The following ENPEP variants were observed in gnomAD, a reference collection of about 807,000 sequenced individuals.
ENPEP encodes glutamyl aminopeptidase.
In ENPEP, 103 loss-of-function variants were observed where a neutral mutation model predicts 114.5. The observed-to-expected ratio is 0.90, with a 90% CI of 0.77 to 1.06. The LOEUF (loss-of-function observed/expected upper bound fraction) is 1.06, where lower values mean the gene tolerates loss of function less well. Ranked by LOEUF, ENPEP falls within the 50% of genes least tolerant of loss-of-function variation. The probability of loss-of-function intolerance (pLI) is 0.00; values close to 1 mark genes in which losing one functional copy is unlikely to be tolerated. For missense variants in ENPEP, 1,196 were observed against 1,161.3 expected, an observed-to-expected ratio of 1.03 and a Z score of -0.43; for synonymous variants, 420 against 422.0, an observed-to-expected ratio of 1.00 and a Z score of 0.06.
At chr4:110,486,878 T>C (rs1724524342) in intron 1 of ENPEP, among the ~76,000 whole-genome samples, 1 of 152,200 alleles carries the variant, frequency 6.6e-6, no homozygotes, top group African/African-American at 2.4e-5. Context: ...TACTCAACTT[T>C]GTCTCCCCGA....
In ENPEP at chr4:110,561,689, T is replaced by A. The variant is rs1727685430; in HGVS notation, c.*131T>A. The A allele has an allele frequency of 3.6e-6, 3 of 844,716 alleles. No individual in the cohort carries two copies. The East Asian group carries it at 8.1e-5, about 23-fold the overall frequency. The allele number at this position is 844,716 out of a possible 1,614,324, so 52.3% of individuals were successfully genotyped here. A position where few individuals can be genotyped will look rare whatever the true frequency, so the allele number is the denominator to read the frequency against. Reference sequence around the variant, plus strand: ...ATGCTTTTACTAAGCACTGTGTTTATATGTCTTGCAAAGCCTTTAAATTGT... The same window carrying A: ...ATGCTTTTACTAAGCACTGTGTTTAAATGTCTTGCAAAGCCTTTAAATTGT... On this transcript the variant is annotated 3_prime_UTR_variant, in exon 20 of 20. Coordinates refer to ENST00000265162, the MANE Select transcript of ENPEP (RefSeq NM_001977.4).
intron 17 of ENPEP, among the ~76,000 whole-genome samples, chr4:110,551,950 A>G (rs1375957423): frequency 3.9e-5 from 6 of 152,070 alleles, no homozygotes; most frequent in Admixed American, 6.6e-5. Context: ...GTTTTCATTG[A>G]TCATATTTTA....
intron 3 of ENPEP, among the ~76,000 whole-genome samples, chr4:110,504,920 C>T (rs773310594): frequency 9.8e-5 from 15 of 152,326 alleles, no homozygotes; most frequent in Non-Finnish European, 1.8e-4. Context: ...AATTCTCTTT[C>T]GCTCACCAAA....
intron 1 of ENPEP, among the ~76,000 whole-genome samples, chr4:110,486,252 A>G (rs1172232817): frequency 6.6e-6 from 1 of 152,192 alleles, no homozygotes; most frequent in Non-Finnish European, 1.5e-5. Context: ...TGATGTTCCA[A>G]TACTCCCATA....
rs146210492 is a variant in ENPEP at position 110,486,904 on chromosome 4, A to G, written c.645-1637A>G. ...GTCTCCCCGAACATTTGGGGATCAG[A>G]GTTTTTAAGATAATTTGGCGGGTAG... On this transcript the variant is annotated intron_variant, in intron 1 of 19. Coordinates refer to ENST00000265162, the MANE Select transcript of ENPEP (RefSeq NM_001977.4). 1.1e-3 allele frequency among the ~76,000 whole-genome samples: 169 copies of G among 152,250 alleles called. 2 individuals carry two copies. The highest frequency in any genetic ancestry group is 4.0e-3 in the African/African-American group (167 of 41,550).
rs1231086343 is a variant in ENPEP at position 110,479,476 on chromosome 4, CTG to C, written c.644+2422_644+2423del. 3.3e-5 allele frequency among the ~76,000 whole-genome samples: 5 copies of C among 151,978 alleles called. 1 individual carries two copies. Among genetic ancestry groups the C allele is most frequent in the Admixed American group, 3.3e-4 (5 of 15,248 alleles). ...TACCTGTGTATAAATGCATGTATGT[CTG>C]TGTATATATGTGTACATGCATATAC... On this transcript the variant is annotated intron_variant, in intron 1 of 19. Transcript: ENST00000265162.
intron 18 of ENPEP, among the ~76,000 whole-genome samples, chr4:110,553,973 G>A (rs1298804939): frequency 6.6e-6 from 1 of 151,904 alleles, no homozygotes; most frequent in Admixed American, 6.6e-5. Context: ...CTTTTAAAAT[G>A]GGAAATAGCA....
chr4:110,494,167 C>T (rs1724838842), intron 3 of ENPEP, among the ~76,000 whole-genome samples: 1 of 152,208 alleles, frequency 6.6e-6, no homozygotes. Flanking sequence ...CAAAGCATGG[C>T]TTGGGTCTGA....
At chr4:110,489,607 T>A (rs1196800130) in intron 2 of ENPEP, among the ~76,000 whole-genome samples, 1 of 151,896 alleles carries the variant, frequency 6.6e-6, no homozygotes, top group Non-Finnish European at 1.5e-5. Context: ...AGAGAAAAAA[T>A]TTTAAAAGGC....
At position 110,543,002 on chromosome 4, in the gene ENPEP, T is replaced by C; in HGVS notation, c.1945-13T>C. ...AGAATTGTGTTTTTATCTCTCTTTC[T>C]CCCTCTTCCCAGACATTTTCTTCAG... On this transcript the variant is annotated splice_polypyrimidine_tract_variant and intron_variant, in intron 12 of 19. Coordinates refer to ENST00000265162, the MANE Select transcript of ENPEP (RefSeq NM_001977.4). 1 of 1,612,996 alleles carries C rather than the reference T, an allele frequency of 6.2e-7. No homozygotes were observed.
intron 18 of ENPEP, 127 bp downstream of exon 18, chr4:110,553,582 G>C (rs760031964): frequency 1.4e-4 from 127 of 908,234 alleles, no homozygotes; most frequent in Non-Finnish European, 1.9e-4. Flanking sequence ...TAGAGGTAAA[G>C]GATCATGGTA....
At chr4:110,528,650 T>C (rs528190711) in intron 10 of ENPEP, among the ~76,000 whole-genome samples, 9 of 152,340 alleles carry the variant, frequency 5.9e-5, no homozygotes, top group African/African-American at 2.2e-4. Context: ...TGAGCCAGTT[T>C]CACATCTCCA....
chr4:110,524,217 A>G (rs1388690751), intron 10 of ENPEP, among the ~76,000 whole-genome samples: 1 of 152,176 alleles, frequency 6.6e-6, no homozygotes, highest in Admixed American at 6.5e-5. Flanking sequence ...TTAGACTACA[A>G]AAGCACTAAA....
At position 110,549,898 on chromosome 4, in the gene ENPEP, TTTTA is replaced by T; in HGVS notation, c.2501+16_2501+19del. The T allele has an allele frequency of 1.3e-6, 2 of 1,599,762 alleles. No individual in the cohort carries two copies. The highest frequency in any genetic ancestry group is 1.7e-6 in the Non-Finnish European group (2 of 1,174,282). On this transcript the variant is annotated intron_variant, in intron 17 of 19. Coordinates refer to ENST00000265162, the MANE Select transcript of ENPEP (RefSeq NM_001977.4). ...ACTCTTTTGTCAAGGTAAGTTGGGC[TTTTA>T]TTTCACATATATAAATAGTATTTAA...
intron 10 of ENPEP, among the ~76,000 whole-genome samples, chr4:110,528,113 C>T (rs1726266467): frequency 6.6e-6 from 1 of 152,044 alleles, no homozygotes; most frequent in African/African-American, 2.4e-5. Flanking sequence ...CTTCAGTTTC[C>T]ACCTTCAGAT....
chr4:110,521,451 G>A (rs1039982721), intron 10 of ENPEP, among the ~76,000 whole-genome samples: 1 of 151,602 alleles, frequency 6.6e-6, no homozygotes, highest in Non-Finnish European at 1.5e-5. Flanking sequence ...ATCCCTTCTC[G>A]ATAATAGAGA....
intron 1 of ENPEP, among the ~76,000 whole-genome samples, chr4:110,487,692 T>C (rs1156814217): frequency 6.6e-6 from 1 of 152,236 alleles, no homozygotes; most frequent in East Asian, 1.9e-4. Flanking sequence ...AATTACCATT[T>C]CTTTACTTTT....
chr4:110,482,118 T>G (rs1048422139), intron 1 of ENPEP, among the ~76,000 whole-genome samples: 3 of 152,078 alleles, frequency 2.0e-5, no homozygotes, highest in African/African-American at 7.2e-5. Context: ...TGGATACAGA[T>G]GGCAAAAGAA....
rs183309554 is a variant in ENPEP, at chr4:110,545,659, G to A, written c.2001-2517G>A. On this transcript the variant is annotated intron_variant, in intron 13 of 19. Transcript: ENST00000265162. ...GTGCTGCCTACTTTTGGTCCTCTCT[G>A]AACTTTGTTGATGTTTAATGCTGAT... Among the ~76,000 whole-genome samples the A allele has an allele frequency of 2.0e-5, 3 of 152,088 alleles. No individual in the cohort carries two copies. In the South Asian group the frequency reaches 6.2e-4, roughly 32 times the overall value.
Sources: allele counts gnomAD v4.1 joint callset (sites outside exome capture counted in the v4.1 genomes callset), GRCh38; gene constraint gnomAD v4.1.1; transcripts MANE v1.5; gene names NCBI Gene and HGNC (gene_info 2026-07-23, HGNC 2026-07-21).